CACNA2D3: variants seen among roughly 807,000 people sequenced by gnomAD.
The protein encoded by CACNA2D3 is calcium voltage-gated channel auxiliary subunit alpha2delta 3.
Under a neutral mutation model 160.6 loss-of-function variants are expected in CACNA2D3, and 60 were observed. The observed-to-expected ratio is 0.37, with a 90% CI of 0.30 to 0.46. The LOEUF is 0.46. Ranked by LOEUF, CACNA2D3 falls within the 20% of genes least tolerant of loss-of-function variation. The pLI, the probability that CACNA2D3 is intolerant of heterozygous loss-of-function variation, is 1.00. For synonymous variants in CACNA2D3, 558 were observed against 492.9 expected (o/e 1.13, Z -1.75); for missense variants, 1,205 against 1,365.0 (o/e 0.88, Z 1.85).
rs769208779 is a variant in CACNA2D3, at chr3:54,752,714, C to T, written c.1246+37C>T. The T allele has an allele frequency of 1.3e-5, 18 of 1,426,250 alleles. No individual in the cohort carries two copies. The South Asian group carries it at 2.0e-4, about 16-fold the overall frequency. The allele number at this position is 1,426,250 out of a possible 1,614,324, so 88.3% of individuals were successfully genotyped here. A position where few individuals can be genotyped will look rare whatever the true frequency, so the allele number is the denominator to read the frequency against. On this transcript the variant is annotated intron_variant, in intron 12 of 37. Coordinates refer to ENST00000474759, the MANE Select transcript of CACNA2D3 (RefSeq NM_018398.3). ...CATTGTGCTCGGCTCTGAATAACTT[C>T]CACCTACTTGTGCAGAATTAGGAAT...
intron 11 of CACNA2D3, among the ~76,000 whole-genome samples, chr3:54,735,026 G>T (rs949821017): frequency 3.3e-5 from 5 of 152,198 alleles, no homozygotes; most frequent in African/African-American, 1.2e-4. Context: ...CTGCCCTAGC[G>T]TGGAGACAGG....
intron 4 of CACNA2D3, among the ~76,000 whole-genome samples, chr3:54,441,415 ATT>A (rs777816829): frequency 3.3e-5 from 5 of 151,602 alleles, no homozygotes; most frequent in Non-Finnish European, 4.4e-5. Flanking sequence ...GATTGCAAAA[ATT>A]TTCTCCCATT....
At chr3:54,942,741 TAGGCC>T (rs923561431) in intron 27 of CACNA2D3, among the ~76,000 whole-genome samples, 16 of 151,296 alleles carry the variant, frequency 1.1e-4, no homozygotes, top group Admixed American at 3.3e-4. Context: ...TAAAAAAAAT[TAGGCC>T]AGGCACAGTG....
At chr3:54,236,439 G>A (rs1225490931) in intron 2 of CACNA2D3, among the ~76,000 whole-genome samples, 2 of 152,168 alleles carry the variant, frequency 1.3e-5, no homozygotes, top group African/African-American at 4.8e-5. Context: ...CAATTATTCT[G>A]TAAATCTAAA....
intron 12 of CACNA2D3, among the ~76,000 whole-genome samples, chr3:54,754,554 C>T (rs182099712): frequency 6.6e-6 from 1 of 152,280 alleles, no homozygotes; most frequent in East Asian, 1.9e-4. Flanking sequence ...ATGAGAGCAG[C>T]CTTTGACTCT....
chr3:54,336,753 T>A (rs9837385), intron 3 of CACNA2D3, among the ~76,000 whole-genome samples: 79,968 of 151,960 alleles, frequency 0.53, 22,171 homozygotes, highest in Non-Finnish European at 0.63. Flanking sequence ...TGGATGTGGT[T>A]GCAAAAGCAG....
chr3:54,257,662 T>A (rs768099423), intron 2 of CACNA2D3, among the ~76,000 whole-genome samples: 5 of 151,876 alleles, frequency 3.3e-5, no homozygotes, highest in Non-Finnish European at 7.4e-5. Context: ...AAAGAGGGAG[T>A]TTGCTGGCCA....
intron 11 of CACNA2D3, among the ~76,000 whole-genome samples, chr3:54,736,747 T>C (rs939043850): frequency 2.0e-5 from 3 of 152,222 alleles, no homozygotes; most frequent in Non-Finnish European, 4.4e-5. Context: ...TGCCCTGTTA[T>C]TGTGTTCTCA....
chr3:54,527,921 A>G (rs13085048), intron 5 of CACNA2D3, among the ~76,000 whole-genome samples: 11,742 of 152,208 alleles, frequency 0.077, 610 homozygotes, highest in Middle Eastern at 0.13. Context: ...CATTTGCTAT[A>G]TGCCCTTAGG....
Position 54,969,706 on chromosome 3 carries a change from G to T in CACNA2D3, c.2512-94G>T, listed in dbSNP as rs881820. ...TGAATTCTAGCCCATGACTTGGATA[G>T]CTTGTCCTTAAGTAGCTCAGTGGCA... On this transcript the variant is annotated intron_variant, in intron 28 of 37. Transcript: ENST00000474759. 0.44 allele frequency: 426,735 copies of T among 959,010 alleles called. 100,654 individuals are homozygous for T. Among genetic ancestry groups the T allele is most frequent in the Admixed American group, 0.59 (27,893 of 47,544 alleles). The allele number at this position is 959,010 out of a possible 1,614,324, so 59.4% of individuals were successfully genotyped here.
chr3:54,426,198 T>G (rs548243940), intron 4 of CACNA2D3, among the ~76,000 whole-genome samples: 2 of 152,214 alleles, frequency 1.3e-5, no homozygotes, highest in Non-Finnish European at 2.9e-5. Context: ...GTAGACACAT[T>G]ATTATTTTAT....
At chr3:54,129,644 C>T (rs1699667084) in intron 2 of CACNA2D3, among the ~76,000 whole-genome samples, 1 of 152,202 alleles carries the variant, frequency 6.6e-6, no homozygotes, top group South Asian at 2.1e-4. Flanking sequence ...TAATGGAAAA[C>T]AGTACCCTCC....
At chr3:54,444,515 T>G (rs1157546905) in intron 4 of CACNA2D3, among the ~76,000 whole-genome samples, 2 of 152,224 alleles carry the variant, frequency 1.3e-5, no homozygotes, top group African/African-American at 4.8e-5. Flanking sequence ...GTGGTGGGCC[T>G]TTTCATAAAC....
At chr3:54,715,529 A>G (rs1359058620) in intron 11 of CACNA2D3, among the ~76,000 whole-genome samples, 1 of 152,054 alleles carries the variant, frequency 6.6e-6, no homozygotes, top group Non-Finnish European at 1.5e-5. Flanking sequence ...AGGGGGAGGT[A>G]GAGAGGAGGC....
chr3:54,534,123 G>A (rs376413681), intron 5 of CACNA2D3, among the ~76,000 whole-genome samples: 114 of 152,166 alleles, frequency 7.5e-4, no homozygotes, highest in African/African-American at 2.6e-3. Context: ...CCAGGCTGCC[G>A]TCTTCTCTCG....
intron 2 of CACNA2D3, among the ~76,000 whole-genome samples, chr3:54,124,916 G>A (rs1042736468): frequency 1.1e-4 from 16 of 151,972 alleles, no homozygotes; most frequent in Non-Finnish European, 1.6e-4. Flanking sequence ...GGCACTTAAA[G>A]GAATTGCATA....
rs1033336777 is a variant in CACNA2D3, at chr3:54,202,188, G to A, written c.204+78594G>A. ...GTGCAGAACGGGAAGGGAAGCGTGG[G>A]AGTTGAATAGTCATGTGACTGCACT... On this transcript the variant is annotated intron_variant, in intron 2 of 37. Transcript: ENST00000474759. 2.6e-5 allele frequency among the ~76,000 whole-genome samples: 4 copies of A among 152,350 alleles called. No homozygotes were observed. In the South Asian group the frequency reaches 8.3e-4, roughly 32 times the overall value.
chr3:54,732,905 A>C (rs72872278), intron 11 of CACNA2D3, among the ~76,000 whole-genome samples: 5,567 of 152,346 alleles, frequency 0.037, 342 homozygotes, highest in African/African-American at 0.13. Context: ...AACAAATCTA[A>C]AATCTAGTTT....
chr3:54,851,387 C>T (rs570513463), intron 17 of CACNA2D3, among the ~76,000 whole-genome samples: 2 of 152,156 alleles, frequency 1.3e-5, no homozygotes, highest in African/African-American at 4.8e-5. Context: ...GGTAAATATC[C>T]TCATGTTACA....
Sources: allele counts gnomAD v4.1 joint callset (sites outside exome capture counted in the v4.1 genomes callset), GRCh38; gene constraint gnomAD v4.1.1; transcripts MANE v1.5; gene names NCBI Gene and HGNC (gene_info 2026-07-23, HGNC 2026-07-21).